HCRTR2: variants seen among roughly 807,000 people sequenced by gnomAD.
HCRTR2 encodes orexin receptor type 2.
In HCRTR2, 22 loss-of-function variants were observed where a neutral mutation model predicts 49.0. That is an observed-to-expected ratio of 0.45 (90% CI 0.32 to 0.64). HCRTR2 has a LOEUF of 0.64. Ranked by LOEUF, HCRTR2 falls within the 30% of genes least tolerant of loss-of-function variation. HCRTR2 has a pLI of 0.04. For synonymous variants in HCRTR2, 236 were observed against 205.3 expected (o/e 1.15, Z -1.28); for missense variants, 491 against 559.4 (o/e 0.88, Z 1.23).
chr6:55,257,531 T>C (rs1766675870), intron 3 of HCRTR2, among the ~76,000 whole-genome samples: 1 of 152,060 alleles, frequency 6.6e-6, no homozygotes, highest in Admixed American at 6.6e-5. Flanking sequence ...CTTTTTTTAA[T>C]GTTTCCCTGA....
intron 1 of HCRTR2, among the ~76,000 whole-genome samples, chr6:55,222,079 T>G (rs1245402793): frequency 6.6e-6 from 1 of 152,064 alleles, no homozygotes; most frequent in Non-Finnish European, 1.5e-5. Flanking sequence ...TGGGTTAGTA[T>G]TCAAAATATA....
At chr6:55,219,420 C>T (rs1765848698) in intron 1 of HCRTR2, among the ~76,000 whole-genome samples, 1 of 152,054 alleles carries the variant, frequency 6.6e-6, no homozygotes, top group Admixed American at 6.6e-5. Context: ...AATATGTGTA[C>T]ATTAAACAAT....
chr6:55,117,503 G>A (rs1764134732), intron 1 of HCRTR2, among the ~76,000 whole-genome samples: 1 of 151,536 alleles, frequency 6.6e-6, no homozygotes, highest in South Asian at 2.1e-4. Context: ...ATGCATAATG[G>A]TCAGATTATT....
chr6:55,258,090 G>A (rs377079999), intron 3 of HCRTR2, among the ~76,000 whole-genome samples: 1 of 151,850 alleles, frequency 6.6e-6, no homozygotes, highest in Non-Finnish European at 1.5e-5. Context: ...TTGTATATGT[G>A]TGATTGTCAC....
chr6:55,128,480 G>A (rs1486370676), intron 1 of HCRTR2, among the ~76,000 whole-genome samples: 4 of 152,124 alleles, frequency 2.6e-5, no homozygotes, highest in African/African-American at 4.8e-5. Context: ...TAGTTTAATA[G>A]GAATAGCATT....
chr6:55,112,561 A>C (rs1430500362), intron 1 of HCRTR2, among the ~76,000 whole-genome samples: 3 of 151,602 alleles, frequency 2.0e-5, no homozygotes, highest in Admixed American at 6.6e-5. Flanking sequence ...AAAAAAAAAA[A>C]AAAAACCTTA....
At chr6:55,272,824 G>A (rs1228479521) in intron 4 of HCRTR2, among the ~76,000 whole-genome samples, 1 of 148,052 alleles carries the variant, frequency 6.8e-6, no homozygotes, top group African/African-American at 2.5e-5. Context: ...CATATATCAA[G>A]TCCCAGAGAG....
chr6:55,167,135 A>T (rs536321324), intron 1 of HCRTR2, among the ~76,000 whole-genome samples: 1 of 152,296 alleles, frequency 6.6e-6, no homozygotes, highest in East Asian at 1.9e-4. Flanking sequence ...AAAATGGTTA[A>T]AACATTACTG....
chr6:55,179,596 T>G (rs1765097206), intron 1 of HCRTR2, among the ~76,000 whole-genome samples: 1 of 152,178 alleles, frequency 6.6e-6, no homozygotes, highest in Admixed American at 6.6e-5. Context: ...CATGTGCAAC[T>G]GATAATTTAA....
At chr6:55,140,632 T>C (rs1277090667) in intron 1 of HCRTR2, among the ~76,000 whole-genome samples, 1 of 152,172 alleles carries the variant, frequency 6.6e-6, no homozygotes, top group Non-Finnish European at 1.5e-5. Flanking sequence ...TTTTAACATA[T>C]ATTATCTGTT....
intron 1 of HCRTR2, among the ~76,000 whole-genome samples, chr6:55,225,704 G>A (rs1481250278): frequency 6.6e-6 from 1 of 152,064 alleles, no homozygotes. Flanking sequence ...ATACATGAAG[G>A]TTATGTTATA....
At chr6:55,273,441 C>A (rs922293885) in intron 4 of HCRTR2, among the ~76,000 whole-genome samples, 3 of 152,036 alleles carry the variant, frequency 2.0e-5, no homozygotes, top group African/African-American at 7.2e-5. Context: ...CTCTCAGACT[C>A]ATCCAGCCAC....
At chr6:55,188,597 A>G (rs1765264578) in intron 1 of HCRTR2, among the ~76,000 whole-genome samples, 1 of 152,174 alleles carries the variant, frequency 6.6e-6, no homozygotes, top group South Asian at 2.1e-4. Context: ...TCTAATTTGG[A>G]GCTATTTCCT....
In HCRTR2 at chr6:55,234,736, TG is replaced by T. The variant is rs1452813649; in HGVS notation, c.224-13901del. ...AGACAGCTAGGACACTCATACCAGC[TG>T]GTAAGTGTAAAAACTAGTACTGCAC... On this transcript the variant is annotated intron_variant, in intron 1 of 6. Coordinates refer to ENST00000370862, the MANE Select transcript of HCRTR2 (RefSeq NM_001384272.1). Among the ~76,000 whole-genome samples the T allele has an allele frequency of 6.6e-5, 10 of 152,256 alleles. No individual in the cohort carries two copies. The South Asian group carries it at 2.1e-3, about 32-fold the overall frequency.
chr6:55,221,354 GCGAGCCCAGAAA>G (rs1765886470), intron 1 of HCRTR2, among the ~76,000 whole-genome samples: 1 of 152,146 alleles, frequency 6.6e-6, no homozygotes, highest in African/African-American at 2.4e-5. Context: ...AACCAGCATA[GCGAGCCCAGAAA>G]TAAGCCCACA....
At chr6:55,173,612 T>G (rs1418656356), upstream of HCRTR2, among the ~76,000 whole-genome samples, 1 of 152,192 alleles carries the variant, frequency 6.6e-6, no homozygotes, top group Non-Finnish European at 1.5e-5. Context: ...AGAGAGCACT[T>G]CTGCTTAGAT....
rs59216170 is a variant in HCRTR2 at position 55,134,826 on chromosome 6, C to T, written c.-378+28281C>T. ...GGCAGGATTTCCTTCTTTTTTGTGA[C>T]TGAATAATATTTCATTCTCTCTCTC... On this transcript the variant is annotated intron_variant, in intron 1 of 7. Transcript: ENST00000615358. Among the ~76,000 whole-genome samples, 341 of 151,980 alleles carry T rather than the reference C, an allele frequency of 2.2e-3. 1 individual carries two copies. Among genetic ancestry groups the T allele is most frequent in the African/African-American group, 7.3e-3 (303 of 41,508 alleles).
intron 1 of HCRTR2, among the ~76,000 whole-genome samples, chr6:55,111,731 T>C (rs1323204994): frequency 5.3e-5 from 8 of 151,948 alleles, no homozygotes; most frequent in Admixed American, 5.3e-4. Flanking sequence ...CAAAGAATAA[T>C]TGGTACCAAT....
intron 1 of HCRTR2, among the ~76,000 whole-genome samples, chr6:55,212,579 C>T (rs919925225): frequency 6.6e-6 from 1 of 152,058 alleles, no homozygotes; most frequent in Non-Finnish European, 1.5e-5. Flanking sequence ...CTCTTCCTGG[C>T]GTGGAAGTAG....
Sources: gnomAD v4.1 joint callset for allele counts (sites outside exome capture counted in the v4.1 genomes callset) on GRCh38, gnomAD v4.1.1 for gene constraint, MANE v1.5 for transcripts, NCBI Gene and HGNC (gene_info 2026-07-23, HGNC 2026-07-21) for gene names.